The following ZCWPW2 variants were observed in gnomAD, a reference collection of about 807,000 sequenced individuals.
ZCWPW2 encodes the protein zinc finger CW-type PWWP domain protein 2.
A neutral mutation model predicts 46.6 loss-of-function variants in ZCWPW2; 45 were observed. That is an observed-to-expected ratio of 0.96 (90% CI 0.76 to 1.24). The LOEUF is 1.24. Ranked by LOEUF, ZCWPW2 falls within the 50% of genes most tolerant of loss-of-function variation. The probability of loss-of-function intolerance (pLI) is 0.00; values close to 1 mark genes in which losing one functional copy is unlikely to be tolerated. For missense variants in ZCWPW2, 429 were observed against 403.9 expected (o/e 1.06, Z -0.53); for synonymous variants, 152 against 137.1 (o/e 1.11, Z -0.76).
chr3:28,364,999 G>A (rs112439270), intron 1 of ZCWPW2, among the ~76,000 whole-genome samples: 4 of 151,868 alleles, frequency 2.6e-5, no homozygotes, highest in African/African-American at 7.3e-5. Flanking sequence ...GGGTTGTTTG[G>A]TTTTTTCTTG....
chr3:28,356,748 G>T (rs372837803), intron 1 of ZCWPW2, among the ~76,000 whole-genome samples: 2 of 152,190 alleles, frequency 1.3e-5, no homozygotes, highest in East Asian at 3.9e-4. Context: ...GCAAACTCTC[G>T]CAAGGACAGT....
intron 1 of ZCWPW2, among the ~76,000 whole-genome samples, chr3:28,372,202 T>C (rs1391284894): frequency 2.0e-5 from 3 of 152,186 alleles, no homozygotes; most frequent in Non-Finnish European, 4.4e-5. Flanking sequence ...GAAGGACTTA[T>C]ATTGATAAAA....
intron 4 of ZCWPW2, among the ~76,000 whole-genome samples, chr3:28,460,143 C>G (rs1162846055): frequency 6.6e-6 from 1 of 152,092 alleles, no homozygotes; most frequent in Non-Finnish European, 1.5e-5. Context: ...AGATTTGACT[C>G]CCAAATTTTC....
At chr3:28,482,912 G>C (rs1699479727) in intron 5 of ZCWPW2, among the ~76,000 whole-genome samples, 1 of 152,032 alleles carries the variant, frequency 6.6e-6, no homozygotes. Flanking sequence ...TCTTTTATAG[G>C]TCTTCTGCAA....
At chr3:28,484,377 G>C (rs1699525513) in intron 5 of ZCWPW2, among the ~76,000 whole-genome samples, 1 of 152,128 alleles carries the variant, frequency 6.6e-6, no homozygotes, top group African/African-American at 2.4e-5. Context: ...CTATATGTTT[G>C]ATAGCATTCA....
chr3:28,437,951 A>G (rs1337482423), intron 4 of ZCWPW2, among the ~76,000 whole-genome samples: 2 of 152,148 alleles, frequency 1.3e-5, no homozygotes, highest in Non-Finnish European at 2.9e-5. Flanking sequence ...TCTGGAGTCT[A>G]TTGAAGGCTT....
chr3:28,371,725 A>G (rs1394420585), intron 1 of ZCWPW2, among the ~76,000 whole-genome samples: 3 of 152,148 alleles, frequency 2.0e-5, no homozygotes, highest in African/African-American at 7.2e-5. Flanking sequence ...AAGGACTCTC[A>G]GTAAACTAAC....
intron 6 of ZCWPW2, among the ~76,000 whole-genome samples, chr3:28,501,201 G>T (rs766114935): frequency 1.3e-4 from 20 of 152,154 alleles, no homozygotes; most frequent in Admixed American, 2.0e-4. Context: ...GCTTTTGTAA[G>T]GCAGCTCCAG....
intron 1 of ZCWPW2, among the ~76,000 whole-genome samples, chr3:28,384,618 T>C (rs1194338373): frequency 2.0e-5 from 3 of 149,672 alleles, no homozygotes; most frequent in Middle Eastern, 3.2e-3. Context: ...TTCTTTCTTT[T>C]TTTTTTTTTT....
At chr3:28,399,925 G>T (rs957743023) in intron 2 of ZCWPW2, among the ~76,000 whole-genome samples, 3 of 152,088 alleles carry the variant, frequency 2.0e-5, no homozygotes, top group Non-Finnish European at 4.4e-5. Flanking sequence ...TCCAAACCAA[G>T]AAGAAATCTC....
intron 8 of ZCWPW2, among the ~76,000 whole-genome samples, chr3:28,517,938 C>T (rs900470016): frequency 5.3e-5 from 8 of 152,088 alleles, no homozygotes; most frequent in South Asian, 4.2e-4. Flanking sequence ...GAGTTCATGA[C>T]GAGCCTGGCC....
intron 1 of ZCWPW2, among the ~76,000 whole-genome samples, chr3:28,355,905 A>T (rs1421007797): frequency 1.3e-5 from 2 of 152,246 alleles, no homozygotes; most frequent in Non-Finnish European, 2.9e-5. Context: ...CCTAGAAGAA[A>T]ACCTAGGCAA....
At chr3:28,396,009 C>A (rs1414967924) in intron 2 of ZCWPW2, among the ~76,000 whole-genome samples, 1 of 151,998 alleles carries the variant, frequency 6.6e-6, no homozygotes, top group South Asian at 2.1e-4. Flanking sequence ...TTGGTATATA[C>A]AGTTTTTGTC....
At chr3:28,380,728 C>A (rs1328362755) in intron 1 of ZCWPW2, among the ~76,000 whole-genome samples, 1 of 151,496 alleles carries the variant, frequency 6.6e-6, no homozygotes, top group Non-Finnish European at 1.5e-5. Context: ...TAATCTCTTT[C>A]CATTTTTCCC....
chr3:28,443,288 T>C (rs1697843433), intron 4 of ZCWPW2, among the ~76,000 whole-genome samples: 2 of 152,164 alleles, frequency 1.3e-5, no homozygotes, highest in South Asian at 4.1e-4. Flanking sequence ...AGAGGTCTCC[T>C]TGGGGACATG....
At chr3:28,492,371 T>C (rs1699840437) in intron 6 of ZCWPW2, among the ~76,000 whole-genome samples, 198 bp downstream of exon 6, 1 of 152,118 alleles carries the variant, frequency 6.6e-6, no homozygotes, top group African/African-American at 2.4e-5. Flanking sequence ...ATTAATGTTA[T>C]CGGACTGTCA....
At chr3:28,471,195 A>C (rs1281457787) in intron 4 of ZCWPW2, among the ~76,000 whole-genome samples, 1 of 152,196 alleles carries the variant, frequency 6.6e-6, no homozygotes, top group Non-Finnish European at 1.5e-5. Context: ...AGCTAATACC[A>C]GTTCTACTGA....
intron 1 of ZCWPW2, among the ~76,000 whole-genome samples, chr3:28,358,288 T>C (rs1704815693): frequency 6.6e-6 from 1 of 152,154 alleles, no homozygotes; most frequent in South Asian, 2.1e-4. Flanking sequence ...AAAAGGACCT[T>C]CTTAATATAG....
intron 6 of ZCWPW2, among the ~76,000 whole-genome samples, chr3:28,512,952 G>T (rs1357495698): frequency 6.6e-6 from 1 of 152,038 alleles, no homozygotes; most frequent in Non-Finnish European, 1.5e-5. Context: ...CATAAATGTA[G>T]ATAAAATTAG....
Sources: allele counts gnomAD v4.1 joint callset (sites outside exome capture counted in the v4.1 genomes callset), GRCh38; gene constraint gnomAD v4.1.1; transcripts MANE v1.5; gene names NCBI Gene and HGNC (gene_info 2026-07-23, HGNC 2026-07-21).